Variants in SS18 observed in about 807,000 individuals in gnomAD.
SS18 encodes the protein protein SSXT.
SS18 carries 28 observed loss-of-function variants against 72.5 expected under a neutral mutation model. That is an observed-to-expected ratio of 0.39 (90% confidence interval 0.29 to 0.53). SS18 has a LOEUF of 0.53. Among genes scored for constraint, SS18 ranks in the 20% least tolerant of loss-of-function variants. The pLI, the probability that SS18 is intolerant of heterozygous loss-of-function variation, is 0.76. For synonymous variants in SS18, 172 were observed against 164.2 expected, an observed-to-expected ratio of 1.05 and a Z score of -0.37; for missense variants, 518 against 535.3, an observed-to-expected ratio of 0.97 and a Z score of 0.32.
At chr18:26,082,052 A>T (rs532478948) in intron 2 of SS18, among the ~76,000 whole-genome samples, 85 of 152,208 alleles carry the variant, frequency 5.6e-4, no homozygotes, top group Admixed American at 5.9e-4. Context: ...GAGTGAGATT[A>T]TGTCTTGAAA....
At chr18:26,060,771 CAAAAAAAAAAAAAAAA>C (rs60999827) in intron 3 of SS18, among the ~76,000 whole-genome samples, 1,593 of 39,660 alleles carry the variant, frequency 0.04, 35 homozygotes, top group Middle Eastern at 0.091. Context: ...CTAAAAATAC[CAAAAAAAAAAAAAAAA>C]AAAAAAAAAA....
intron 10 of SS18, among the ~76,000 whole-genome samples, chr18:26,027,940 G>A (rs28824239): frequency 1.5e-4 from 23 of 151,788 alleles, no homozygotes; most frequent in African/African-American, 5.3e-4. Context: ...AATCCATAAA[G>A]AAAAAACTGA....
chr18:26,028,426 A>G (rs1186195743), intron 10 of SS18, among the ~76,000 whole-genome samples: 1 of 152,246 alleles, frequency 6.6e-6, no homozygotes, highest in Non-Finnish European at 1.5e-5. Flanking sequence ...TGAATTAAAT[A>G]TATACCTATC....
chr18:26,023,212 T>A (rs552988579), intron 10 of SS18, among the ~76,000 whole-genome samples: 11 of 152,170 alleles, frequency 7.2e-5, no homozygotes, highest in African/African-American at 2.6e-4. Flanking sequence ...TAAAATGACA[T>A]AGATTATTAG....
At chr18:26,083,288 T>G (rs1316011373) in intron 2 of SS18, among the ~76,000 whole-genome samples, 3 of 152,028 alleles carry the variant, frequency 2.0e-5, no homozygotes, top group African/African-American at 7.2e-5. Flanking sequence ...AGTTGAAAAT[T>G]TTGCTGACTC....
intron 5 of SS18, among the ~76,000 whole-genome samples, chr18:26,040,729 C>T (rs1450818151): frequency 6.6e-6 from 1 of 152,146 alleles, no homozygotes; most frequent in Non-Finnish European, 1.5e-5. Flanking sequence ...CTGTTTTTCT[C>T]CTATTTGCCT....
At chr18:26,022,218 C>T (rs1019909849) in intron 10 of SS18, among the ~76,000 whole-genome samples, 1 of 152,116 alleles carries the variant, frequency 6.6e-6, no homozygotes, top group Non-Finnish European at 1.5e-5. Context: ...ACTTTATTCA[C>T]CAATATTTAC....
In SS18 at chr18:26,018,464, C is replaced by T. The variant is rs1458803812; in HGVS notation, c.1231-84G>A. On this transcript the variant is annotated intron_variant, in intron 10 of 10. Coordinates refer to ENST00000415083, the MANE Select transcript of SS18 (RefSeq NM_001007559.3). ...GATTACAAACGAATCATTTCTAACACTGTCATACCACAAAAAAGCAGCCGT... is the reference window on the plus strand; with the variant it reads ...GATTACAAACGAATCATTTCTAACATTGTCATACCACAAAAAAGCAGCCGT... The T allele has an allele frequency of 7.2e-6, 8 of 1,104,478 alleles. No individual in the cohort carries two copies. In the East Asian group the frequency reaches 1.8e-4, roughly 25 times the overall value. 68.4% of individuals were successfully genotyped at this position (1,104,478 alleles called of 1,614,324 possible).
chr18:26,065,733 A>G (rs890041080), intron 3 of SS18, among the ~76,000 whole-genome samples: 2 of 144,252 alleles, frequency 1.4e-5, no homozygotes, highest in Non-Finnish European at 3.0e-5. Flanking sequence ...AACTGGGAGA[A>G]GATATCTGCA....
chr18:26,058,212 A>C (rs895805659), intron 3 of SS18, among the ~76,000 whole-genome samples: 2 of 152,202 alleles, frequency 1.3e-5, no homozygotes, highest in Non-Finnish European at 2.9e-5. Flanking sequence ...ATGTTTTAAA[A>C]CATGAAGACA....
In SS18 at chr18:26,050,736, T is replaced by C. The variant is rs372564549; in HGVS notation, c.607+1888A>G. ...TAAAGATTTCCGGTGAAACCCTGTC[T>C]CTACTAAAAATACAAAAAAAAAATT... On this transcript the variant is annotated intron_variant, in intron 5 of 10. Coordinates refer to ENST00000415083, the MANE Select transcript of SS18 (RefSeq NM_001007559.3). Among the ~76,000 whole-genome samples, 3 of 151,984 alleles carry C rather than the reference T, an allele frequency of 2.0e-5. 1 individual carries two copies. Among genetic ancestry groups the C allele is most frequent in the Middle Eastern group, 6.8e-3 (2 of 294 alleles).
intron 1 of SS18, among the ~76,000 whole-genome samples, chr18:26,088,758 AC>A (rs1277659394): frequency 6.6e-6 from 1 of 152,142 alleles, no homozygotes; most frequent in Admixed American, 6.5e-5. Context: ...AACCTGCCCC[AC>A]CCTACCAGTA....
intron 4 of SS18, among the ~76,000 whole-genome samples, chr18:26,054,881 C>T (rs182197616): frequency 1.3e-5 from 2 of 151,932 alleles, no homozygotes; most frequent in African/African-American, 4.8e-5. Context: ...GCTGGGATTA[C>T]AAGTGTGTGC....
At chr18:26,064,526 T>G (rs996484892) in intron 3 of SS18, among the ~76,000 whole-genome samples, 5 of 149,128 alleles carry the variant, frequency 3.4e-5, no homozygotes, top group Admixed American at 6.6e-5. Context: ...ATCCATATAA[T>G]CATCTCAACA....
At chr18:26,090,634 G>C (rs1221759684), upstream of SS18, 9 of 1,495,738 alleles carry the variant, frequency 6.0e-6, no homozygotes, top group East Asian at 1.7e-4. Context: ...CTGGGGGAGA[G>C]ACGCCGGCCT....
At chr18:26,039,197 A>T in intron 6 of SS18, 92 bp downstream of exon 6, 2 of 967,956 alleles carry the variant, frequency 2.1e-6, no homozygotes, top group Non-Finnish European at 2.9e-6. Flanking sequence ...AAAAAAAAAG[A>T]AAACGCCCTG....
chr18:26,086,321 T>C (rs1396675969), intron 2 of SS18, among the ~76,000 whole-genome samples: 2 of 152,200 alleles, frequency 1.3e-5, no homozygotes, highest in East Asian at 1.9e-4. Context: ...TGTTGACCAA[T>C]ATAGCAGCCA....
chr18:26,062,231 AC>A (rs2054136295), intron 3 of SS18, among the ~76,000 whole-genome samples: 1 of 152,168 alleles, frequency 6.6e-6, no homozygotes, highest in Admixed American at 6.5e-5. Flanking sequence ...ACTACACTCC[AC>A]CCTGGGCAAC....
At position 26,016,760 on chromosome 18, in the gene SS18, A is replaced by T. The variant is rs1463482891; in HGVS notation, c.*1594T>A. The T allele has an allele frequency of 8.7e-6, 2 of 230,002 alleles. No individual in the cohort carries two copies. Among genetic ancestry groups the T allele is most frequent in the African/African-American group, 4.4e-5 (2 of 45,078 alleles). 14.2% of individuals were successfully genotyped at this position (230,002 alleles called of 1,614,324 possible). On this transcript the variant is annotated 3_prime_UTR_variant, in exon 11 of 11. Transcript: ENST00000415083. ...CAAAGAACAAAAAACAAAAACAAAA[A>T]AACCTGTTCTGACCTTGAAACACAC... is the stretch of plus-strand genomic sequence containing the variant.
Sources: allele counts gnomAD v4.1 joint callset (sites outside exome capture counted in the v4.1 genomes callset), GRCh38; gene constraint gnomAD v4.1.1; transcripts MANE v1.5; gene names NCBI Gene and HGNC (gene_info 2026-07-23, HGNC 2026-07-21).